PTPRK: variants seen among roughly 807,000 people sequenced by gnomAD.
PTPRK encodes receptor-type tyrosine-protein phosphatase kappa.
PTPRK carries 75 observed loss-of-function variants against 178.0 expected under a neutral mutation model. The ratio of observed to expected loss-of-function variants is 0.42; its 90% confidence interval spans 0.35 to 0.51. PTPRK has a LOEUF of 0.51. Ranked by LOEUF, PTPRK falls within the 20% of genes least tolerant of loss-of-function variation. The pLI is 0.02. For synonymous variants in PTPRK, 637 were observed against 620.6 expected (o/e 1.03, Z -0.39); for missense variants, 1,441 against 1,797.8 (o/e 0.80, Z 3.59).
At chr6:128,107,318 C>G (rs1272085144) in intron 7 of PTPRK, among the ~76,000 whole-genome samples, 1 of 151,954 alleles carries the variant, frequency 6.6e-6, no homozygotes, top group African/African-American at 2.4e-5. Context: ...TCACCTTTTC[C>G]TTTTCTTCTT....
At position 127,972,915 on chromosome 6, in the gene PTPRK, C is replaced by G. The variant is rs915529875; in HGVS notation, c.4269+107G>C. On this transcript the variant is annotated intron_variant, in intron 29 of 29. Transcript: ENST00000368226. ...AGGCAGGAAAGTCCCCACAACGTCT[C>G]ATTTTCACATCTGATTCCCTATGTG... is the stretch of plus-strand genomic sequence containing the variant. 3 of 1,182,974 alleles carry G rather than the reference C, an allele frequency of 2.5e-6. No individual in the cohort carries two copies. In the Admixed American group the frequency reaches 6.2e-5, roughly 24 times the overall value. The allele number at this position is 1,182,974 out of a possible 1,614,324, so 73.3% of individuals were successfully genotyped here. A position where few individuals can be genotyped will look rare whatever the true frequency, so the allele number is the denominator to read the frequency against.
chr6:128,021,358 C>T (rs1168721920), intron 13 of PTPRK, among the ~76,000 whole-genome samples: 3 of 152,128 alleles, frequency 2.0e-5, no homozygotes, highest in African/African-American at 7.2e-5. Context: ...TCTCTTCAGC[C>T]GGGCGCAGTG....
rs74706716 is a variant in PTPRK at position 128,306,550 on chromosome 6, T to C, written c.495+15489A>G. ...GTGGCTCATGCATGTAACCCCAACA[T>C]TTCAGGAGGTTGAAGCCAGAGTAGC... On this transcript the variant is annotated intron_variant, in intron 3 of 29. Transcript: ENST00000368226. Among the ~76,000 whole-genome samples, 960 of 152,186 alleles carry C rather than the reference T, an allele frequency of 6.3e-3. 13 individuals carry two copies. Among genetic ancestry groups the C allele is most frequent in the African/African-American group, 0.022 (918 of 41,508 alleles).
At chr6:128,352,968 A>AAACTC (rs938229878) in intron 2 of PTPRK, among the ~76,000 whole-genome samples, 1 of 152,218 alleles carries the variant, frequency 6.6e-6, no homozygotes, top group Admixed American at 6.5e-5. Context: ...TGAGGTAGTC[A>AAACTC]AACTCACAGT....
chr6:128,200,942 CAG>C (rs1199745891), intron 6 of PTPRK, among the ~76,000 whole-genome samples: 2 of 136,084 alleles, frequency 1.5e-5, no homozygotes, highest in East Asian at 2.3e-4. Context: ...AGGGAAGGGA[CAG>C]AGAGTCCAAA....
At chr6:128,052,458 A>C (rs2114878838) in intron 13 of PTPRK, among the ~76,000 whole-genome samples, 1 of 152,176 alleles carries the variant, frequency 6.6e-6, no homozygotes. Context: ...CCTTCCCTTC[A>C]CTTTCAAGGC....
chr6:128,428,578 T>C (rs1447527623), intron 1 of PTPRK, among the ~76,000 whole-genome samples: 2 of 152,172 alleles, frequency 1.3e-5, no homozygotes, highest in Non-Finnish European at 2.9e-5. Context: ...AAGAAATATG[T>C]CAATGTGAAG....
chr6:128,065,420 T>C (rs1323560545), intron 12 of PTPRK, among the ~76,000 whole-genome samples: 1 of 151,980 alleles, frequency 6.6e-6, no homozygotes, highest in African/African-American at 2.4e-5. Flanking sequence ...CAAGAAAAAA[T>C]ATGATTATTT....
chr6:128,140,582 A>AT (rs1387336319), intron 7 of PTPRK, among the ~76,000 whole-genome samples: 1 of 151,696 alleles, frequency 6.6e-6, no homozygotes, highest in Non-Finnish European at 1.5e-5. Flanking sequence ...TTATAGAAAA[A>AT]TTTTTTTTCA....
chr6:128,054,815 C>G lies in PTPRK; in HGVS notation c.2194+9943G>C, dbSNP rs1179889275. ...AGCCTTGACCATGGAGAACACTTAGCACAGAGAAGAATGAACCACGGACTA... is the reference window on the plus strand; with the variant it reads ...AGCCTTGACCATGGAGAACACTTAGGACAGAGAAGAATGAACCACGGACTA... On this transcript the variant is annotated intron_variant, in intron 13 of 29. Coordinates refer to ENST00000368226, the MANE Select transcript of PTPRK (RefSeq NM_002844.4). Among the ~76,000 whole-genome samples, 9 of 152,190 alleles carry G rather than the reference C, an allele frequency of 5.9e-5. No homozygotes were observed. In the South Asian group the frequency reaches 1.9e-3, roughly 32 times the overall value.
intron 1 of PTPRK, among the ~76,000 whole-genome samples, chr6:128,438,264 T>A (rs1227359580): frequency 6.6e-6 from 1 of 152,228 alleles, no homozygotes. Context: ...AAGGAATAAA[T>A]GAAAATTCTG....
rs1826136785 is a variant in PTPRK, at chr6:128,304,832, G to T, written c.495+17207C>A. On this transcript the variant is annotated intron_variant, in intron 3 of 29. Coordinates refer to ENST00000368226, the MANE Select transcript of PTPRK (RefSeq NM_002844.4). ...ACAGTTAACAAACTGATAAAACCTA[G>T]AAGAGAGAAGAAGACAAGAAACTAT... is the stretch of plus-strand genomic sequence containing the variant. Among the ~76,000 whole-genome samples the T allele has an allele frequency of 2.0e-5, 3 of 152,114 alleles. No homozygotes were observed. The South Asian group carries it at 6.2e-4, about 31-fold the overall frequency.
chr6:128,288,515 A>AC, intron 3 of PTPRK, among the ~76,000 whole-genome samples: 2 of 152,272 alleles, frequency 1.3e-5, no homozygotes, highest in African/African-American at 4.8e-5. Context: ...AGAATGCTCT[A>AC]CTTTAGAAGA....
intron 3 of PTPRK, among the ~76,000 whole-genome samples, chr6:128,285,025 T>C (rs1253220565): frequency 6.6e-6 from 1 of 152,202 alleles, no homozygotes; most frequent in Non-Finnish European, 1.5e-5. Flanking sequence ...GGAGACCTTA[T>C]TATTTCTCAG....
At chr6:128,094,783 T>C (rs1030539574) in intron 7 of PTPRK, among the ~76,000 whole-genome samples, 14 of 151,742 alleles carry the variant, frequency 9.2e-5, no homozygotes, top group Middle Eastern at 3.4e-3. Context: ...AAGTCAGGAG[T>C]TGGGGTACTC....
chr6:128,365,341 G>A (rs1835336364), intron 2 of PTPRK, among the ~76,000 whole-genome samples: 2 of 151,988 alleles, frequency 1.3e-5, no homozygotes, highest in South Asian at 4.1e-4. Context: ...TCATTTCTGA[G>A]TTTAAAGTTT....
intron 3 of PTPRK, among the ~76,000 whole-genome samples, chr6:128,279,217 A>T (rs1821296641): frequency 6.6e-6 from 1 of 152,076 alleles, no homozygotes; most frequent in Non-Finnish European, 1.5e-5. Flanking sequence ...TAAATTAAAA[A>T]AAAAAAAAAA....
chr6:128,166,945 G>C (rs771237004), intron 7 of PTPRK, among the ~76,000 whole-genome samples: 9 of 151,620 alleles, frequency 5.9e-5, no homozygotes, highest in Non-Finnish European at 1.2e-4. Context: ...TACGTTTTCT[G>C]TTTCCTAGTG....
intron 1 of PTPRK, among the ~76,000 whole-genome samples, chr6:128,488,373 T>C (rs535033406): frequency 6.6e-6 from 1 of 152,258 alleles, no homozygotes; most frequent in East Asian, 1.9e-4. Context: ...TTCATATGCT[T>C]TGGCAACACC....
Sources: gnomAD v4.1 joint callset for allele counts (sites outside exome capture counted in the v4.1 genomes callset) on GRCh38, gnomAD v4.1.1 for gene constraint, MANE v1.5 for transcripts, NCBI Gene and HGNC (gene_info 2026-07-23, HGNC 2026-07-21) for gene names.